Variants in DGKQ observed in about 807,000 individuals in gnomAD.
The protein encoded by DGKQ is diacylglycerol kinase theta, also known as DAG kinase theta.
Under a neutral mutation model 104.2 loss-of-function variants are expected in DGKQ, and 97 were observed. The ratio of observed to expected loss-of-function variants is 0.93; its 90% CI spans 0.79 to 1.10. DGKQ has a LOEUF of 1.10. Ranked by LOEUF, DGKQ falls within the 50% of genes least tolerant of loss-of-function variation. The probability of loss-of-function intolerance (pLI) is 0.00; values close to 1 mark genes in which losing one functional copy is unlikely to be tolerated. For synonymous variants in DGKQ, 736 were observed against 595.2 expected (o/e 1.24, Z -3.44); for missense variants, 1,465 against 1,352.1 (o/e 1.08, Z -1.31).
chr4:968,076 G>A (rs1033938546), intron 5 of DGKQ, 49 bp from the exon 6 acceptor site: 14 of 1,309,668 alleles, frequency 1.1e-5, no homozygotes, highest in Non-Finnish European at 1.4e-5. Flanking sequence ...GGGTGCGGGG[G>A]CACCAGGTGC....
rs1711832025 is a variant in DGKQ, at chr4:960,826, G to C, written c.2728-105C>G. The C allele has an allele frequency of 2.0e-6, 3 of 1,516,200 alleles. No homozygotes were observed. In the East Asian group the frequency reaches 7.2e-5, roughly 36 times the overall value. 93.9% of individuals were successfully genotyped at this position (1,516,200 alleles called of 1,614,324 possible). A position where few individuals can be genotyped will look rare whatever the true frequency, so the allele number is the denominator to read the frequency against. Reference sequence around the variant, plus strand: ...GCCCCGGGCAGCTGATGCCATCTCAGCCCCATTTCACGGAAGGGGAGGGAC... The same window carrying C: ...GCCCCGGGCAGCTGATGCCATCTCACCCCCATTTCACGGAAGGGGAGGGAC... On this transcript the variant is annotated intron_variant, in intron 22 of 22. Transcript: ENST00000273814.
At chr4:966,589 C>T (rs1712364542) in intron 11 of DGKQ, 62 bp from the exon 12 acceptor site, 1 of 1,565,518 alleles carries the variant, frequency 6.4e-7, no homozygotes, top group Non-Finnish European at 8.7e-7. Context: ...GAAGCAGCTG[C>T]CCGGAGCCCC....
rs115383816 is a variant in DGKQ at position 965,471 on chromosome 4, C to T, written c.1618+20G>A. The T allele has an allele frequency of 1.6e-3, 2,652 of 1,608,824 alleles. 38 individuals are homozygous for T. In the African/African-American group the frequency reaches 0.031, roughly 19 times the overall value. On this transcript the variant is annotated intron_variant, in intron 14 of 22. Coordinates refer to ENST00000273814, the MANE Select transcript of DGKQ (RefSeq NM_001347.4). ...AACACCCCTGGGCCTCATGTGACCA[C>T]GTCCCTCAGGGCAGCTCACCTTGGG... is the stretch of plus-strand genomic sequence containing the variant.
At chr4:969,375 G>C (rs1407801304) in intron 2 of DGKQ, among the ~76,000 whole-genome samples, 11 of 152,238 alleles carry the variant, frequency 7.2e-5, no homozygotes. Flanking sequence ...ACTGCCCTCT[G>C]GGAGATAATC....
At position 967,222 on chromosome 4, in the gene DGKQ, C is replaced by G. The variant is rs1255605677; in HGVS notation, c.1127G>C (p.Ser376Thr). The G allele has an allele frequency of 6.3e-7, 1 of 1,579,112 alleles. No individual in the cohort carries two copies. The highest frequency in any genetic ancestry group is 8.6e-7 in the Non-Finnish European group (1 of 1,164,370). ...GSAVISEEGR[S>T]PGSGEATPEA... ...TGGCGTGGCCTCGCCGGACCCGGGGCTTCTGCCCTCCTCCGAGATCACAGC... is the reference window on the plus strand; with the variant it reads ...TGGCGTGGCCTCGCCGGACCCGGGGGTTCTGCCCTCCTCCGAGATCACAGC... The change falls in exon 9 of 23, where the codon AGC (serine) becomes ACC (threonine). Residue 376 changes from serine (S) to threonine (T), a missense_variant. By Grantham distance (58) the Ser-to-Thr change is moderately conservative. Coordinates refer to ENST00000273814, the MANE Select transcript of DGKQ (RefSeq NM_001347.4).
In DGKQ at chr4:967,964, CCAGGGAGCG is replaced by C. The variant is rs1372470881; in HGVS notation, c.718_726del (p.Arg240_Leu242del). On this transcript the variant is annotated inframe_deletion, in exon 6 of 23. Transcript: ENST00000273814. ...AGGCGCACGCACGCGGGAGGCAGGA[CCAGGGAGCG>C]CAGACGCCCGAAGCCACACTCGGGA... 1 of 1,486,378 alleles carries C rather than the reference CCAGGGAGCG, an allele frequency of 6.7e-7. No individual in the cohort carries two copies. Among genetic ancestry groups the C allele is most frequent in the Non-Finnish European group, 8.9e-7 (1 of 1,126,524 alleles). The allele number at this position is 1,486,378 out of a possible 1,614,324, so 92.1% of individuals were successfully genotyped here. A position where few individuals can be genotyped will look rare whatever the true frequency, so the allele number is the denominator to read the frequency against.
chr4:973,053 G>A (rs955561585), intron 1 of DGKQ, among the ~76,000 whole-genome samples, 159 bp downstream of exon 1: 3 of 152,148 alleles, frequency 2.0e-5, no homozygotes, highest in Admixed American at 2.0e-4. Flanking sequence ...GCCCCACGGC[G>A]CACAGGCCCC....
chr4:964,718 G>A (rs545458329), intron 15 of DGKQ, among the ~76,000 whole-genome samples: 3 of 152,344 alleles, frequency 2.0e-5, no homozygotes, highest in African/African-American at 7.2e-5. Flanking sequence ...TCCCGGGCAG[G>A]GGGAGTGAGG....
intron 20 of DGKQ, 46 bp downstream of exon 20, chr4:961,642 A>G (rs1416849825): frequency 1.2e-6 from 2 of 1,610,884 alleles, no homozygotes; most frequent in Admixed American, 1.7e-5. Flanking sequence ...GAGCCTGCCC[A>G]TGGCCCCGCC....
intron 1 of DGKQ, 46 bp downstream of exon 1, chr4:973,166 C>A: frequency 2.0e-6 from 3 of 1,481,434 alleles, no homozygotes; most frequent in South Asian, 2.6e-5. Context: ...GCCCACGGGG[C>A]AGAGGCAGGG....
At position 967,036 on chromosome 4, in the gene DGKQ, C is replaced by CACGT. The variant is rs776703141; in HGVS notation, c.1235_1238dup (p.Ser414ArgfsTer109). 1 of 1,559,338 alleles carries CACGT rather than the reference C, an allele frequency of 6.4e-7. No homozygotes were observed. The highest frequency in any genetic ancestry group is 8.7e-7 in the Non-Finnish European group (1 of 1,153,158). On this transcript the variant is annotated frameshift_variant, in exon 10 of 23. Transcript: ENST00000273814. LOFTEE classifies it high-confidence loss of function. ...TGCTCTTCGGGGTCACTCGCACGGACACGTAGGCCACGCCCACCCTGTGGG... is the reference window on the plus strand; with the variant it reads ...TGCTCTTCGGGGTCACTCGCACGGACACGTACGTAGGCCACGCCCACCCTGTGGG...
rs920248569 is a variant in DGKQ, at chr4:973,351, T to TCCCGGC, written c.126_131dup (p.Gly44_Pro45dup). On this transcript the variant is annotated inframe_insertion, in exon 1 of 23. Transcript: ENST00000273814. ...GGGCTCTGACGCCCGCCCGCTCGGG[T>TCCCGGC]CCCGGCCCCGGCCCCGGCCCCGGGC... 3.6e-4 allele frequency: 464 copies of TCCCGGC among 1,271,870 alleles called. 2 individuals carry two copies. The South Asian group carries it at 4.2e-3, about 12-fold the overall frequency. 78.8% of individuals were successfully genotyped at this position (1,271,870 alleles called of 1,614,324 possible).
In DGKQ at chr4:967,752, CT is replaced by C; in HGVS notation, c.861del (p.Glu288ArgfsTer13). The C allele has an allele frequency of 6.2e-7, 1 of 1,610,530 alleles. No homozygotes were observed. On this transcript the variant is annotated frameshift_variant, in exon 7 of 23. Coordinates refer to ENST00000273814, the MANE Select transcript of DGKQ (RefSeq NM_001347.4). LOFTEE classifies it high-confidence loss of function. Reference sequence around the variant, plus strand: ...CCGGACTCCGGAGTTGCCTGTGTCTCTCTGCCTGGACCCACGGCAGCGCTCC... The same window carrying C: ...CCGGACTCCGGAGTTGCCTGTGTCTCCTGCCTGGACCCACGGCAGCGCTCC... ...ADGSAAVGPG[R>X]ETQATPESGK...
Position 973,323 on chromosome 4 carries a change from C to T in DGKQ, c.160G>A (p.Gly54Ser). Residue 54 changes from glycine (G) to serine (S), a missense_variant, in exon 1 of 23, where the codon GGC (glycine) becomes AGC (serine). Physicochemically the swap from Gly to Ser is moderately conservative, Grantham distance 56. Transcript: ENST00000273814. ...CTGTGTCCCGGCGCGGCAGCGGGGC[C>T]CGGGGCTCTGACGCCCGCCCGCTCG... ...GPERAGVRAP[G>S]PAAAPGHSFR... 6.9e-7 allele frequency: 1 copy of T among 1,447,376 alleles called. No individual in the cohort carries two copies. Among genetic ancestry groups the T allele is most frequent in the African/African-American group, 1.5e-5 (1 of 67,518 alleles). The allele number at this position is 1,447,376 out of a possible 1,614,324, so 89.7% of individuals were successfully genotyped here.
rs1560521605 is a variant in DGKQ, at chr4:971,077, G to A, written c.272-5C>T. On this transcript the variant is annotated splice_polypyrimidine_tract_variant and splice_region_variant and intron_variant, in intron 1 of 22. Coordinates refer to ENST00000273814, the MANE Select transcript of DGKQ (RefSeq NM_001347.4). The surrounding 1 kb of genome is among the most constrained non-coding windows in gnomAD (Gnocchi z 4.0). Reference sequence around the variant, plus strand: ...CATGAGACATGAAATTGCAGACTGTGGGAATGAGCACTGTGTGAGTTGGCC... The same window carrying A: ...CATGAGACATGAAATTGCAGACTGTAGGAATGAGCACTGTGTGAGTTGGCC... The A allele has an allele frequency of 6.4e-7, 1 of 1,555,310 alleles. No homozygotes were observed. The highest frequency in any genetic ancestry group is 1.7e-4 in the Middle Eastern group (1 of 5,998).
At position 966,403 on chromosome 4, in the gene DGKQ, TG is replaced by T. The variant is rs545974349; in HGVS notation, c.1428+62del. The T allele has an allele frequency of 2.4e-5, 38 of 1,565,356 alleles. No individual in the cohort carries two copies. In the African/African-American group the frequency reaches 4.6e-4, roughly 19 times the overall value. On this transcript the variant is annotated intron_variant, in intron 12 of 22. Coordinates refer to ENST00000273814, the MANE Select transcript of DGKQ (RefSeq NM_001347.4). ...CGGCGTCTGGGGCACACCCACCCTG[TG>T]GGGCAGAGGCTGTGGCTGAGGGCTG...
In DGKQ at chr4:962,925, C is replaced by T. The variant is rs372023869; in HGVS notation, c.1887-5G>A. The T allele has an allele frequency of 4.1e-5, 66 of 1,605,124 alleles. No homozygotes were observed. Among genetic ancestry groups the T allele is most frequent in the Non-Finnish European group, 4.8e-5 (57 of 1,176,748 alleles). On this transcript the variant is annotated splice_region_variant and splice_polypyrimidine_tract_variant and intron_variant, in intron 16 of 22. Transcript: ENST00000273814. ...ACCTGGGAGAACAGGTGGAGCCTAG[C>T]GGGAGACAGGAAGTGTCCTCTACCA...
chr4:970,600 C>T (rs534021562), intron 2 of DGKQ, among the ~76,000 whole-genome samples: 3 of 152,324 alleles, frequency 2.0e-5, no homozygotes, highest in East Asian at 3.9e-4. Flanking sequence ...CCTTTGTCAG[C>T]TCCCCTAAGT....
chr4:962,312 G>T, intron 18 of DGKQ, 123 bp downstream of exon 18: 1 of 1,073,388 alleles, frequency 9.3e-7, no homozygotes, highest in Non-Finnish European at 1.3e-6. Context: ...TGCCCGCTTT[G>T]CAGAGGGGAT....
Sources: allele counts gnomAD v4.1 joint callset (sites outside exome capture counted in the v4.1 genomes callset), GRCh38; gene constraint gnomAD v4.1.1; non-coding constraint Gnocchi (gnomAD v3.1); transcripts MANE v1.5; gene names NCBI Gene and HGNC (gene_info 2026-07-23, HGNC 2026-07-21).